ASCC1: variants seen among roughly 807,000 people sequenced by gnomAD.
ASCC1 encodes the protein activating signal cointegrator 1 complex subunit 1.
In ASCC1, 35 loss-of-function variants were observed where a neutral mutation model predicts 46.6. The observed-to-expected ratio is 0.75, with a 90% CI of 0.57 to 0.99. The LOEUF (loss-of-function observed/expected upper bound fraction) is 0.99. ASCC1 is among the 50% of genes least tolerant of loss of function. ASCC1 has a pLI of 0.00. For missense variants in ASCC1, 376 were observed against 428.7 expected (o/e 0.88, Z 1.09); for synonymous variants, 143 against 146.6 (o/e 0.98, Z 0.18).
At chr10:72,117,868 C>A (rs912831039) in intron 9 of ASCC1, among the ~76,000 whole-genome samples, 2 of 152,092 alleles carry the variant, frequency 1.3e-5, no homozygotes, top group East Asian at 3.8e-4. Context: ...GTTAAAATAT[C>A]CAGTCATAGA....
chr10:72,191,750 A>T lies in ASCC1; in HGVS notation c.489+5061T>A, dbSNP rs58414572. On this transcript the variant is annotated intron_variant, in intron 5 of 9. Transcript: ENST00000672957. The stretch of plus-strand genomic sequence containing the variant: ...CAACCTCCGCCTCCCAGGTTCAAGC[A>T]ATTCTCCTGCCTCAGCCTCCCTAGT... Among the ~76,000 whole-genome samples the T allele has an allele frequency of 1.1e-3, 160 of 151,540 alleles. 4 individuals carry two copies. Among genetic ancestry groups the T allele is most frequent in the African/African-American group, 3.2e-3 (134 of 41,352 alleles).
At chr10:72,181,584 T>C (rs1824597045) in intron 5 of ASCC1, among the ~76,000 whole-genome samples, 1 of 151,828 alleles carries the variant, frequency 6.6e-6, no homozygotes, top group Non-Finnish European at 1.5e-5. Flanking sequence ...TTTTTTTTCA[T>C]GAACCATACA....
intron 9 of ASCC1, among the ~76,000 whole-genome samples, chr10:72,099,477 G>A (rs573141956): frequency 1.3e-5 from 2 of 152,256 alleles, no homozygotes; most frequent in African/African-American, 4.8e-5. Flanking sequence ...ACCACCCACT[G>A]TACCAACCAC....
rs1287794803 is a variant in ASCC1, at chr10:72,097,181, A to G, written c.*153T>C. On this transcript the variant is annotated 3_prime_UTR_variant, in exon 10 of 10. Transcript: ENST00000672957. ...TCTCAGCTGGTAGTATGACGGGTGT[A>G]GACACCATTAGAGGCAATGGTGAAT... is the stretch of plus-strand genomic sequence containing the variant. 1 of 733,010 alleles carries G rather than the reference A, an allele frequency of 1.4e-6. No homozygotes were observed. The allele number at this position is 733,010 out of a possible 1,614,324, so 45.4% of individuals were successfully genotyped here.
intron 3 of ASCC1, among the ~76,000 whole-genome samples, chr10:72,205,058 A>T (rs1324392384): frequency 6.6e-6 from 1 of 152,230 alleles, no homozygotes. Context: ...CACTTATCAA[A>T]ATGAAGTGAG....
chr10:72,105,641 TC>T lies in ASCC1; in HGVS notation c.958-8192del, dbSNP rs556825050. On this transcript the variant is annotated intron_variant, in intron 9 of 9. Coordinates refer to ENST00000672957, the MANE Select transcript of ASCC1 (RefSeq NM_001198800.3). ...AAGATAAAATCCAACCATCCTGCTG[TC>T]CCCTGCTCACATGATCTGTGAAGCC... Among the ~76,000 whole-genome samples the T allele has an allele frequency of 6.6e-5, 10 of 152,304 alleles. No individual in the cohort carries two copies. In the East Asian group the frequency reaches 1.9e-3, roughly 29 times the overall value.
intron 5 of ASCC1, among the ~76,000 whole-genome samples, chr10:72,169,845 C>T (rs962836304): frequency 1.3e-5 from 2 of 152,170 alleles, no homozygotes; most frequent in African/African-American, 2.4e-5. Flanking sequence ...CAAGGCCGGG[C>T]GTGGTGGCTC....
At chr10:72,195,129 T>G (rs1026828499) in intron 5 of ASCC1, among the ~76,000 whole-genome samples, 8 of 149,018 alleles carry the variant, frequency 5.4e-5, no homozygotes, top group African/African-American at 2.0e-4. Flanking sequence ...TTTTGTGTGT[T>G]TTTTGCTGTG....
intron 9 of ASCC1, among the ~76,000 whole-genome samples, chr10:72,111,064 C>T (rs1411146348): frequency 6.6e-6 from 1 of 152,220 alleles, no homozygotes; most frequent in Non-Finnish European, 1.5e-5. Flanking sequence ...TTTCTATAAT[C>T]TAATTCAGAT....
intron 9 of ASCC1, among the ~76,000 whole-genome samples, chr10:72,105,076 C>A (rs953316429): frequency 1.3e-5 from 2 of 152,196 alleles, no homozygotes; most frequent in Admixed American, 1.3e-4. Flanking sequence ...CCTTCAACAT[C>A]CTTCAAGTGT....
At position 72,199,270 on chromosome 10, in the gene ASCC1, T is replaced by C. The variant is rs1397612788; in HGVS notation, c.311-2281A>G. 3.3e-5 allele frequency among the ~76,000 whole-genome samples: 5 copies of C among 150,624 alleles called. No homozygotes were observed. The Admixed American group carries it at 3.3e-4, about 10-fold the overall frequency. ...TCCCAAGTAGCTGGGAATACGGGTG[T>C]ATGCCATCACACCCAGCTAATTTTT... On this transcript the variant is annotated intron_variant, in intron 4 of 9. Coordinates refer to ENST00000672957, the MANE Select transcript of ASCC1 (RefSeq NM_001198800.3).
At chr10:72,111,766 C>T (rs1004826245) in intron 9 of ASCC1, among the ~76,000 whole-genome samples, 5 of 151,968 alleles carry the variant, frequency 3.3e-5, no homozygotes, top group Non-Finnish European at 5.9e-5. Context: ...CTCAGCCTCC[C>T]GAGTAGCTGG....
chr10:72,170,970 C>T (rs919939682), intron 5 of ASCC1, among the ~76,000 whole-genome samples: 1 of 152,012 alleles, frequency 6.6e-6, no homozygotes, highest in African/African-American at 2.4e-5. Context: ...TCCCACCCCC[C>T]CCAATATTTT....
intron 5 of ASCC1, among the ~76,000 whole-genome samples, chr10:72,172,896 A>G (rs1334765099): frequency 1.5e-5 from 2 of 133,616 alleles, no homozygotes; most frequent in Non-Finnish European, 3.1e-5. Context: ...TATATTATAT[A>G]TATTATATAT....
chr10:72,117,082 G>A (rs543322901), intron 9 of ASCC1, among the ~76,000 whole-genome samples: 1 of 152,286 alleles, frequency 6.6e-6, no homozygotes, highest in East Asian at 1.9e-4. Context: ...ACAGGCGTGA[G>A]CCACCATGCC....
At chr10:72,110,943 C>T (rs1223959952) in intron 9 of ASCC1, among the ~76,000 whole-genome samples, 1 of 152,120 alleles carries the variant, frequency 6.6e-6, no homozygotes, top group Non-Finnish European at 1.5e-5. Context: ...TTATTTTCAA[C>T]TAAGTTACCT....
At chr10:72,123,478 G>GTAGGAA (rs779554427) in intron 9 of ASCC1, among the ~76,000 whole-genome samples, 12 of 152,116 alleles carry the variant, frequency 7.9e-5, no homozygotes, top group Non-Finnish European at 1.8e-4. Context: ...TTTTAAAGAT[G>GTAGGAA]TACCAATGTG....
chr10:72,103,692 T>C (rs74457766), intron 9 of ASCC1, among the ~76,000 whole-genome samples: 3,164 of 152,206 alleles, frequency 0.021, 159 homozygotes, highest in African/African-American at 0.073. Context: ...AAGCAGGTCA[T>C]AAGACCCTCA....
rs3063665 is a variant in ASCC1 at position 72,127,664 on chromosome 10, C to CTTTT, written c.957+414_957+417dup. ...AAGTGGTTGGAATACCTAAGGGTTTCTTTTTTTTTTTTTTTCCTAAGTGTT... is the reference window on the plus strand; with the variant it reads ...AAGTGGTTGGAATACCTAAGGGTTTCTTTTTTTTTTTTTTTTTTTCCTAAGTGTT... On this transcript the variant is annotated intron_variant, in intron 9 of 9. Coordinates refer to ENST00000672957, the MANE Select transcript of ASCC1 (RefSeq NM_001198800.3). Among the ~76,000 whole-genome samples, 430 of 129,972 alleles carry CTTTT rather than the reference C, an allele frequency of 3.3e-3. 19 individuals carry two copies. The highest frequency in any genetic ancestry group is 0.012 in the African/African-American group (380 of 32,448). The allele number at this position is 129,972 out of a possible 152,430, so 85.3% of individuals were successfully genotyped here.
Sources: gnomAD v4.1 joint callset for allele counts (sites outside exome capture counted in the v4.1 genomes callset) on GRCh38, gnomAD v4.1.1 for gene constraint, MANE v1.5 for transcripts, NCBI Gene and HGNC (gene_info 2026-07-23, HGNC 2026-07-21) for gene names.